FBRSL1: variants seen among roughly 807,000 people sequenced by gnomAD.
The protein encoded by FBRSL1 is fibrosin like 1, also known as fibrosin-1-like protein.
In FBRSL1, 51 loss-of-function variants were observed where a neutral mutation model predicts 89.6. The ratio of observed to expected loss-of-function variants is 0.57; its 90% confidence interval spans 0.45 to 0.72. The LOEUF (loss-of-function observed/expected upper bound fraction) is 0.72. Among genes scored for constraint, FBRSL1 ranks in the 30% least tolerant of loss-of-function variants. The pLI is 0.00. For missense variants in FBRSL1, 1,618 were observed against 1,451.8 expected (o/e 1.11, Z -1.86); for synonymous variants, 779 against 681.1 (o/e 1.14, Z -2.24).
At chr12:132,502,964 A>G (rs1466165624) in intron 1 of FBRSL1, among the ~76,000 whole-genome samples, 3 of 148,694 alleles carry the variant, frequency 2.0e-5, no homozygotes, top group African/African-American at 5.0e-5. Context: ...GCTGTTCTCC[A>G]TGACACCGTC....
chr12:132,515,307 A>G (rs2034737142), intron 2 of FBRSL1, among the ~76,000 whole-genome samples: 1 of 152,122 alleles, frequency 6.6e-6, no homozygotes, highest in South Asian at 2.1e-4. Context: ...GTTGACAGTC[A>G]TTCTCCTCTC....
chr12:132,570,637 T>G, intron 8 of FBRSL1, 97 bp downstream of exon 8: 1 of 1,116,076 alleles, frequency 9.0e-7, no homozygotes, highest in East Asian at 2.7e-5. Flanking sequence ...CTCCACCTGC[T>G]GTGGTCTCTG....
chr12:132,505,907 G>A (rs767601367), intron 1 of FBRSL1, among the ~76,000 whole-genome samples: 82 of 152,254 alleles, frequency 5.4e-4, no homozygotes, highest in Non-Finnish European at 9.3e-4. Flanking sequence ...GCAGAGTGCT[G>A]GGACAGCCCT....
At position 132,578,232 on chromosome 12, in the gene FBRSL1, C is replaced by T. The variant is rs1030028785; in HGVS notation, c.1834+1301C>T. On this transcript the variant is annotated intron_variant, in intron 15 of 18. Transcript: ENST00000680143. ...TGGTGGCGCACGCCCGTGGTCCCAGCTCCTCAGGAGGCTGAGGCAGGAGGG... is the reference window on the plus strand; with the variant it reads ...TGGTGGCGCACGCCCGTGGTCCCAGTTCCTCAGGAGGCTGAGGCAGGAGGG... Among the ~76,000 whole-genome samples the T allele has an allele frequency of 2.2e-4, 34 of 152,286 alleles. No individual in the cohort carries two copies. In the East Asian group the frequency reaches 2.7e-3, roughly 12 times the overall value.
intron 2 of FBRSL1, among the ~76,000 whole-genome samples, chr12:132,519,832 C>G (rs180782321): frequency 6.9e-6 from 1 of 145,818 alleles, no homozygotes; most frequent in Non-Finnish European, 1.5e-5. Context: ...CGCTTGAACC[C>G]GGGAGGCAGA....
At chr12:132,513,613 A>G (rs2034567439) in intron 2 of FBRSL1, among the ~76,000 whole-genome samples, 1 of 152,154 alleles carries the variant, frequency 6.6e-6, no homozygotes, top group Non-Finnish European at 1.5e-5. Context: ...GTCCCCTCCC[A>G]TCTGCAGAAG....
At chr12:132,504,628 C>T (rs995922099) in intron 1 of FBRSL1, among the ~76,000 whole-genome samples, 4 of 152,146 alleles carry the variant, frequency 2.6e-5, no homozygotes, top group Non-Finnish European at 5.9e-5. Flanking sequence ...TCAAGGCCTC[C>T]GCTGCCTCAG....
At chr12:132,504,799 C>T (rs1475468876) in intron 1 of FBRSL1, among the ~76,000 whole-genome samples, 2 of 152,136 alleles carry the variant, frequency 1.3e-5, no homozygotes, top group Admixed American at 6.5e-5. Flanking sequence ...GTGGTCACTG[C>T]GACCAACTCA....
chr12:132,574,843 G>A (rs1230704667), intron 14 of FBRSL1, among the ~76,000 whole-genome samples: 8 of 152,090 alleles, frequency 5.3e-5, no homozygotes, highest in African/African-American at 1.2e-4. Context: ...ACGGGGTGCC[G>A]CACCAGCTCC....
At chr12:132,498,493 C>T (rs770500309) in intron 1 of FBRSL1, among the ~76,000 whole-genome samples, 36 of 152,358 alleles carry the variant, frequency 2.4e-4, no homozygotes, top group African/African-American at 8.4e-4. Flanking sequence ...ATCCTACAGA[C>T]CCTCCAGGGA....
intron 4 of FBRSL1, among the ~76,000 whole-genome samples, chr12:132,528,255 G>T (rs1310257091): frequency 6.6e-6 from 1 of 152,004 alleles, no homozygotes; most frequent in Non-Finnish European, 1.5e-5. Flanking sequence ...GGACGGGCTG[G>T]CCCTGTGGCT....
At chr12:132,579,274 T>C (rs570245568) in intron 15 of FBRSL1, among the ~76,000 whole-genome samples, 2 of 152,350 alleles carry the variant, frequency 1.3e-5, no homozygotes, top group South Asian at 4.1e-4. Flanking sequence ...TCACTGGAGT[T>C]GGGTTAAAGG....
chr12:132,582,711 A>G (rs1476129811), intron 18 of FBRSL1, among the ~76,000 whole-genome samples: 1 of 152,024 alleles, frequency 6.6e-6, no homozygotes, highest in Non-Finnish European at 1.5e-5. Context: ...CTGTCCTAAC[A>G]GGGAGGGGCC....
chr12:132,568,731 C>T (rs559238823), intron 6 of FBRSL1, among the ~76,000 whole-genome samples: 9 of 152,168 alleles, frequency 5.9e-5, no homozygotes, highest in Non-Finnish European at 8.8e-5. Context: ...GGGGCTGACC[C>T]AGGGAGCTGG....
At chr12:132,494,099 A>T (rs1385446018) in intron 1 of FBRSL1, among the ~76,000 whole-genome samples, 1 of 152,110 alleles carries the variant, frequency 6.6e-6, no homozygotes, top group East Asian at 1.9e-4. Context: ...GGGCCGTGGT[A>T]TGTGGGGACA....
chr12:132,496,817 CCCCGCGCTTCCTT>C (rs2032113466), intron 1 of FBRSL1, among the ~76,000 whole-genome samples: 2 of 141,294 alleles, frequency 1.4e-5, no homozygotes, highest in South Asian at 2.4e-4. Flanking sequence ...TGTGCCGCCG[CCCCGCGCTTCCTT>C]CCCAGGCCCT....
chr12:132,491,853 C>T (rs2031044182), intron 1 of FBRSL1, among the ~76,000 whole-genome samples: 4 of 152,240 alleles, frequency 2.6e-5, no homozygotes, highest in Non-Finnish European at 5.9e-5. Context: ...CGCATCGTGT[C>T]CCGAGTGCAC....
At position 132,583,671 on chromosome 12, in the gene FBRSL1, C is replaced by G. The variant is rs1422443596; in HGVS notation, c.2902C>G (p.Pro968Ala). The G allele has an allele frequency of 1.8e-6, 2 of 1,105,772 alleles. No individual in the cohort carries two copies. Among genetic ancestry groups the G allele is most frequent in the African/African-American group, 3.3e-5 (2 of 59,726 alleles). 68.5% of individuals were successfully genotyped at this position (1,105,772 alleles called of 1,614,324 possible). A position where few individuals can be genotyped will look rare whatever the true frequency, so the allele number is the denominator to read the frequency against. Residue 968 changes from proline to alanine, a missense_variant, in exon 19 of 19, where the codon CCC (proline) becomes GCC (alanine). By Grantham distance (27) the Pro-to-Ala change is conservative. Coordinates refer to ENST00000680143, the MANE Select transcript of FBRSL1 (RefSeq NM_001367871.1). ...GGTGACGGCGGCCGGGCCCCCCACG[C>G]CCCCCGGGCCGCCGCGGAGCCGGAC... ...PLVTAAGPPT[P>A]PGPPRSRTTP...
chr12:132,533,199 AGAGAG>A (rs2036441959), intron 4 of FBRSL1, among the ~76,000 whole-genome samples: 1 of 149,362 alleles, frequency 6.7e-6, no homozygotes, highest in Non-Finnish European at 1.5e-5. Context: ...CCCTGGAGTC[AGAGAG>A]CCACAGTCTC....
Sources: allele counts gnomAD v4.1 joint callset (sites outside exome capture counted in the v4.1 genomes callset), GRCh38; gene constraint gnomAD v4.1.1; transcripts MANE v1.5; gene names NCBI Gene and HGNC (gene_info 2026-07-23, HGNC 2026-07-21).